The following MSR1 variants were observed in gnomAD, a reference collection of about 807,000 sequenced individuals.
The protein encoded by MSR1 is macrophage scavenger receptor 1, also known as macrophage scavenger receptor types I and II.
Under a neutral mutation model 47.2 loss-of-function variants are expected in MSR1, and 53 were observed. That is an observed-to-expected ratio of 1.12 (90% CI 0.90 to 1.41). The LOEUF (loss-of-function observed/expected upper bound fraction) is 1.41, where lower values mean the gene tolerates loss of function less well. MSR1 is among the 40% of genes most tolerant of loss of function. MSR1 has a pLI of 0.00. For missense variants in MSR1, 786 were observed against 546.9 expected (o/e 1.44, Z -4.36); for synonymous variants, 239 against 185.6 (o/e 1.29, Z -2.34).
At chr8:16,151,790 T>A (rs1266039127) in intron 6 of MSR1, among the ~76,000 whole-genome samples, 2 of 152,104 alleles carry the variant, frequency 1.3e-5, no homozygotes, top group South Asian at 2.1e-4. Flanking sequence ...GTCCTAGGTG[T>A]CCTGCTCCAT....
intron 9 of MSR1, among the ~76,000 whole-genome samples, chr8:16,117,291 T>G (rs1231418302): frequency 6.6e-6 from 1 of 152,122 alleles, no homozygotes; most frequent in African/African-American, 2.4e-5. Context: ...GTTGCACGCT[T>G]CTTATGAGAA....
chr8:16,157,687 T>A (rs574576431), intron 5 of MSR1, among the ~76,000 whole-genome samples: 1 of 151,942 alleles, frequency 6.6e-6, no homozygotes, highest in Non-Finnish European at 1.5e-5. Flanking sequence ...TACTCTTAGT[T>A]TCTGATGCAG....
chr8:16,165,583 T>A (rs1801281564), intron 4 of MSR1, among the ~76,000 whole-genome samples: 2 of 152,220 alleles, frequency 1.3e-5, no homozygotes, highest in South Asian at 4.2e-4. Context: ...TATTAAGTAC[T>A]CCTATGTTCT....
intron 1 of MSR1, among the ~76,000 whole-genome samples, chr8:16,189,698 T>C: frequency 1.6e-4 from 1 of 6,178 alleles, no homozygotes; most frequent in South Asian, 2.9e-3. Context: ...ATATATTTTA[T>C]ATATATATAA....
At chr8:16,125,790 A>G (rs925882849) in intron 8 of MSR1, among the ~76,000 whole-genome samples, 1 of 152,094 alleles carries the variant, frequency 6.6e-6, no homozygotes, top group African/African-American at 2.4e-5. Context: ...CTTTAGAGAT[A>G]AGGTGTCCCT....
At position 16,164,188 on chromosome 8, in the gene MSR1, C is replaced by A; in HGVS notation, c.694G>T (p.Glu232Ter). Residue 232 changes from glutamate (E) to a stop codon, truncating the protein, a stop_gained, in exon 5 of 10, where the codon GAA (glutamate) becomes TAA (stop). Transcript: ENST00000262101. LOFTEE classifies it high-confidence loss of function. ...ATTTCCTGTTCCAAATGCACTTGTT[C>A]TTCTTTCATAGCCATAATTTCTGCT... is the stretch of plus-strand genomic sequence containing the variant. ...VSAEIMAMKE[E>*]QVHLEQEIKG... The A allele has an allele frequency of 6.2e-7, 1 of 1,612,238 alleles. No homozygotes were observed. Among genetic ancestry groups the A allele is most frequent in the Non-Finnish European group, 8.5e-7 (1 of 1,178,938 alleles).
intron 2 of MSR1, among the ~76,000 whole-genome samples, chr8:16,176,334 C>A (rs351564): frequency 0.019 from 2,886 of 152,056 alleles, 90 homozygotes; most frequent in African/African-American, 0.066. Flanking sequence ...TGGAGAAACC[C>A]TGGCTCTACA....
At chr8:16,150,851 AACACACACACACAC>A (rs3036816) in intron 6 of MSR1, among the ~76,000 whole-genome samples, 8 of 142,044 alleles carry the variant, frequency 5.6e-5, no homozygotes, top group African/African-American at 8.1e-5. Flanking sequence ...CATAAACATA[AACACACACACACAC>A]ACACACACAC....
At chr8:16,158,628 CT>C (rs963256574) in intron 5 of MSR1, among the ~76,000 whole-genome samples, 10 of 148,860 alleles carry the variant, frequency 6.7e-5, no homozygotes, top group South Asian at 2.1e-4. Flanking sequence ...AAACCTGCTT[CT>C]TTTTTTTTTC....
chr8:16,144,778 C>T (rs1352271748), intron 7 of MSR1, among the ~76,000 whole-genome samples: 1 of 152,062 alleles, frequency 6.6e-6, no homozygotes, highest in African/African-American at 2.4e-5. Context: ...TATTCTTCAC[C>T]TCCTAAAGCT....
Position 16,162,532 on chromosome 8 carries a change from G to A in MSR1, c.817+1533C>T, listed in dbSNP as rs146304068. On this transcript the variant is annotated intron_variant, in intron 5 of 9. Transcript: ENST00000262101. ...ATGACTATCTGAGCCAGTGGTGCAG[G>A]GTTAAATAATTTACCAAGATGGTTG... Among the ~76,000 whole-genome samples, 13 of 152,010 alleles carry A rather than the reference G, an allele frequency of 8.6e-5. No individual in the cohort carries two copies. The East Asian group carries it at 2.3e-3, about 27-fold the overall frequency.
intron 7 of MSR1, among the ~76,000 whole-genome samples, chr8:16,145,321 G>A (rs947422243): frequency 6.6e-6 from 1 of 152,032 alleles, no homozygotes; most frequent in Non-Finnish European, 1.5e-5. Flanking sequence ...AAAATATAGT[G>A]CCAAATTTTC....
Position 16,189,977 on chromosome 8 carries a change from T to C in MSR1, c.-5+2621A>G, listed in dbSNP as rs1390905363. Reference sequence around the variant, plus strand: ...TCACCCAGGCTGGAGTGTAATGGTGTGATCTCAGCTGACTGAAACCTCTGC... The same window carrying C: ...TCACCCAGGCTGGAGTGTAATGGTGCGATCTCAGCTGACTGAAACCTCTGC... On this transcript the variant is annotated intron_variant, in intron 1 of 9. Coordinates refer to ENST00000262101, the MANE Select transcript of MSR1 (RefSeq NM_138715.3). Among the ~76,000 whole-genome samples the C allele has an allele frequency of 2.0e-5, 3 of 147,842 alleles. No homozygotes were observed. In the Admixed American group the frequency reaches 2.1e-4, roughly 10 times the overall value.
rs1269233851 is a variant in MSR1, at chr8:16,108,215, A to G, written c.*1870T>C. The G allele has an allele frequency of 6.7e-6, 1 of 150,182 alleles. No individual in the cohort carries two copies. Among genetic ancestry groups the G allele is most frequent in the Non-Finnish European group, 1.5e-5 (1 of 67,618 alleles). 9.3% of individuals were successfully genotyped at this position (150,182 alleles called of 1,614,324 possible). A position where few individuals can be genotyped will look rare whatever the true frequency, so the allele number is the denominator to read the frequency against. On this transcript the variant is annotated 3_prime_UTR_variant, in exon 10 of 10. Coordinates refer to ENST00000262101, the MANE Select transcript of MSR1 (RefSeq NM_138715.3). ...TACTAGTAATAGCAATAGTACTAGT[A>G]CTAGCAATAGTACTATTATTATTTT...
Position 16,142,512 on chromosome 8 carries a change from G to A in MSR1, c.1033+1046C>T, listed in dbSNP as rs760152845. 4.6e-5 allele frequency among the ~76,000 whole-genome samples: 7 copies of A among 152,098 alleles called. 1 individual carries two copies. The highest frequency in any genetic ancestry group is 1.3e-4 in the Admixed American group (2 of 15,264). ...CTCCGAAGACACACAATACTCTGTT[G>A]TACTTTGAAAGCATCATGATTACAC... On this transcript the variant is annotated intron_variant, in intron 8 of 9. Coordinates refer to ENST00000262101, the MANE Select transcript of MSR1 (RefSeq NM_138715.3).
At chr8:16,188,581 T>C (rs1346889193) in intron 1 of MSR1, among the ~76,000 whole-genome samples, 2 of 152,002 alleles carry the variant, frequency 1.3e-5, no homozygotes, top group African/African-American at 4.8e-5. Flanking sequence ...GCCATGGTGG[T>C]TTGCTGCACC....
At chr8:16,177,405 T>G (rs429817) in intron 2 of MSR1, among the ~76,000 whole-genome samples, 39,916 of 151,866 alleles carry the variant, frequency 0.26, 7,352 homozygotes, top group East Asian at 0.6. Flanking sequence ...GGACTGCCAG[T>G]AGCCCGTAGA....
At chr8:16,150,793 T>C (rs905777772) in intron 6 of MSR1, among the ~76,000 whole-genome samples, 5 of 151,824 alleles carry the variant, frequency 3.3e-5, no homozygotes, top group African/African-American at 1.2e-4. Context: ...ACTTTATCTA[T>C]CATGGACCTG....
At chr8:16,174,683 C>T (rs1801588328) in intron 3 of MSR1, among the ~76,000 whole-genome samples, 1 of 152,046 alleles carries the variant, frequency 6.6e-6, no homozygotes, top group Admixed American at 6.6e-5. Context: ...AAGTTGTAGG[C>T]CATTATTCTA....
Sources: allele counts gnomAD v4.1 joint callset (sites outside exome capture counted in the v4.1 genomes callset), GRCh38; gene constraint gnomAD v4.1.1; transcripts MANE v1.5; gene names NCBI Gene and HGNC (gene_info 2026-07-23, HGNC 2026-07-21).